Variants in GLI2 observed in about 807,000 individuals in gnomAD.
The protein encoded by GLI2 is transcription activator GLI2.
Under a neutral mutation model 78.9 loss-of-function variants are expected in GLI2, and 22 were observed. The ratio of observed to expected loss-of-function variants is 0.28; its 90% CI spans 0.20 to 0.40. The LOEUF (loss-of-function observed/expected upper bound fraction) is 0.40. Among genes scored for constraint, GLI2 ranks in the 10% least tolerant of loss-of-function variants. GLI2 has a pLI of 1.00. For missense variants in GLI2, 2,097 were observed against 2,213.2 expected (o/e 0.95, Z 1.05); for synonymous variants, 974 against 963.7 (o/e 1.01, Z -0.20).
intron 2 of GLI2, among the ~76,000 whole-genome samples, chr2:120,832,666 G>A (rs1452175131): frequency 6.6e-6 from 1 of 152,196 alleles, no homozygotes; most frequent in Non-Finnish European, 1.5e-5. Flanking sequence ...AGTGTGTTCG[G>A]GCAATGAGAA....
chr2:120,854,066 C>T (rs932837135), intron 2 of GLI2, among the ~76,000 whole-genome samples: 2 of 151,986 alleles, frequency 1.3e-5, no homozygotes, highest in Non-Finnish European at 2.9e-5. Flanking sequence ...GGAAATAAGA[C>T]AGATTCCTGC....
chr2:120,799,875 G>A (rs1362854517), intron 2 of GLI2, among the ~76,000 whole-genome samples: 2 of 152,194 alleles, frequency 1.3e-5, no homozygotes, highest in East Asian at 1.9e-4. Flanking sequence ...GAGAATGTGC[G>A]GAAGGAGGTG....
At position 120,988,188 on chromosome 2, in the gene GLI2, AC is replaced by A; in HGVS notation, c.2243-16del. On this transcript the variant is annotated intron_variant, in intron 13 of 13. Transcript: ENST00000361492. ...GCCACCCACCCTTGTCCCGGTGCTG[AC>A]CCCTCTGCTCTCCCGCAGGCTCCAT... 6.3e-7 allele frequency: 1 copy of A among 1,579,386 alleles called. No homozygotes were observed. The highest frequency in any genetic ancestry group is 8.6e-7 in the Non-Finnish European group (1 of 1,166,500).
intron 1 of GLI2, among the ~76,000 whole-genome samples, chr2:120,757,398 C>G (rs1280716675): frequency 6.6e-6 from 1 of 152,158 alleles, no homozygotes; most frequent in African/African-American, 2.4e-5. Context: ...TAGATGGGAC[C>G]AGAGCCTAGG....
rs960720216 is a variant in GLI2 at position 120,956,790 on chromosome 2, G to A, written c.643+1360G>A. ...GGCCGTGCAGCCTGTAGCAGGTTGG[G>A]GTGGGCTGGTGGGAAATCATGTGGG... On this transcript the variant is annotated intron_variant, in intron 5 of 13. Transcript: ENST00000361492. Among the ~76,000 whole-genome samples, 7 of 152,228 alleles carry A rather than the reference G, an allele frequency of 4.6e-5. No homozygotes were observed. The East Asian group carries it at 7.7e-4, about 17-fold the overall frequency.
chr2:120,963,068 G>A (rs923164116), intron 5 of GLI2, among the ~76,000 whole-genome samples: 3 of 152,284 alleles, frequency 2.0e-5, no homozygotes, highest in South Asian at 2.1e-4. Context: ...AGAGGGCGCC[G>A]AATGCAAGCC....
intron 2 of GLI2, among the ~76,000 whole-genome samples, chr2:120,903,495 G>C (rs564830857): frequency 3.0e-4 from 45 of 152,332 alleles, no homozygotes; most frequent in South Asian, 1.0e-3. Flanking sequence ...AAGTCCCACT[G>C]TCAGTTCTGA....
chr2:120,781,505 G>A (rs564311003), intron 1 of GLI2, among the ~76,000 whole-genome samples: 6 of 152,296 alleles, frequency 3.9e-5, no homozygotes, highest in African/African-American at 9.6e-5. Context: ...AGTCAGGCTC[G>A]ATTTATAGTT....
intron 2 of GLI2, among the ~76,000 whole-genome samples, chr2:120,899,771 C>T (rs570916922): frequency 2.0e-5 from 3 of 152,334 alleles, no homozygotes; most frequent in East Asian, 3.9e-4. Context: ...GATGAAAATA[C>T]GCTTTAGAAA....
intron 1 of GLI2, among the ~76,000 whole-genome samples, chr2:120,768,372 C>T (rs544160354): frequency 5.9e-5 from 9 of 152,186 alleles, no homozygotes; most frequent in South Asian, 2.1e-4. Context: ...AGGGACTTTC[C>T]ATGGGAAGGT....
chr2:120,783,968 C>T (rs1683920953), intron 1 of GLI2, among the ~76,000 whole-genome samples: 1 of 152,160 alleles, frequency 6.6e-6, no homozygotes, highest in Non-Finnish European at 1.5e-5. Flanking sequence ...AAGATACCAG[C>T]GACGAGCTAG....
At chr2:120,929,161 G>A (rs747632618) in intron 3 of GLI2, among the ~76,000 whole-genome samples, 7 of 152,110 alleles carry the variant, frequency 4.6e-5, no homozygotes, top group Non-Finnish European at 7.3e-5. Context: ...CGGATCATGC[G>A]TTTTGGGGAA....
intron 2 of GLI2, among the ~76,000 whole-genome samples, chr2:120,844,028 C>T (rs1455537588): frequency 6.6e-6 from 1 of 152,150 alleles, no homozygotes; most frequent in Non-Finnish European, 1.5e-5. Flanking sequence ...TCTCACTGGG[C>T]CTGTTTCCCA....
intron 1 of GLI2, 82 bp from the exon 2 acceptor site, chr2:120,797,209 G>C (rs897234323): frequency 9.0e-6 from 9 of 1,002,696 alleles, no homozygotes; most frequent in East Asian, 2.4e-5. Flanking sequence ...CTTTAGGAGC[G>C]AGCGGCGGTG....
Position 120,990,536 on chromosome 2 carries a change from C to T in GLI2, c.4571C>T (p.Ser1524Phe). ...PSLLHSLSQN[S>F]SRLTTPRNSL... ...CTCCTCCACAGCCTCTCCCAGAACT[C>T]CTCCCGCCTCACCACCCCCCGAAAC... The change falls in exon 14 of 14, where the codon TCC (serine) becomes TTC (phenylalanine). Residue 1524 changes from serine (S) to phenylalanine (F), a missense_variant. By Grantham distance (155) the Ser-to-Phe change is radical (BLOSUM62 -2). Transcript: ENST00000361492. The T allele has an allele frequency of 1.2e-6, 2 of 1,614,054 alleles. No individual in the cohort carries two copies. Among genetic ancestry groups the T allele is most frequent in the Non-Finnish European group, 1.7e-6 (2 of 1,179,968 alleles).
At chr2:120,977,078 G>C (rs539886708) in intron 9 of GLI2, among the ~76,000 whole-genome samples, 5 of 152,318 alleles carry the variant, frequency 3.3e-5, no homozygotes, top group African/African-American at 1.2e-4. Context: ...GCATCTGTAC[G>C]CGTGACAGTT....
intron 2 of GLI2, among the ~76,000 whole-genome samples, chr2:120,905,570 C>G (rs1245552023): frequency 6.6e-6 from 1 of 152,180 alleles, no homozygotes; most frequent in African/African-American, 2.4e-5. Flanking sequence ...ACGCTCAGAG[C>G]CTGGGATGAG....
At chr2:120,882,226 G>A (rs901414440) in intron 2 of GLI2, among the ~76,000 whole-genome samples, 3 of 152,128 alleles carry the variant, frequency 2.0e-5, no homozygotes, top group African/African-American at 7.2e-5. Context: ...CTTCCAGGAG[G>A]CCAGGTGACA....
intron 2 of GLI2, among the ~76,000 whole-genome samples, chr2:120,926,054 C>CA (rs1679650283): frequency 9.4e-6 from 1 of 106,038 alleles, no homozygotes; most frequent in Non-Finnish European, 1.7e-5. Flanking sequence ...GCCTGGGTGA[C>CA]AGAGCGAGAC....
Sources: gnomAD v4.1 joint callset for allele counts (sites outside exome capture counted in the v4.1 genomes callset) on GRCh38, gnomAD v4.1.1 for gene constraint, MANE v1.5 for transcripts, NCBI Gene and HGNC (gene_info 2026-07-23, HGNC 2026-07-21) for gene names.